The following DEAF1 variants were observed in gnomAD, a reference collection of about 807,000 sequenced individuals.
DEAF1 encodes deformed epidermal autoregulatory factor 1 homolog.
DEAF1 carries 53 observed loss-of-function variants against 58.9 expected under a neutral mutation model. The ratio of observed to expected loss-of-function variants is 0.90; its 90% CI spans 0.72 to 1.13. The LOEUF (loss-of-function observed/expected upper bound fraction) is 1.13. Ranked by LOEUF, DEAF1 falls within the 50% of genes most tolerant of loss-of-function variation. The pLI, the probability that DEAF1 is intolerant of heterozygous loss-of-function variation, is 0.00. For synonymous variants in DEAF1, 385 were observed against 340.4 expected (o/e 1.13, Z -1.44); for missense variants, 685 against 791.4 (o/e 0.87, Z 1.61).
At chr11:665,983 ACT>A (rs1859506333) in intron 10 of DEAF1, 1 of 150,564 alleles carries the variant, frequency 6.6e-6, no homozygotes, top group South Asian at 2.1e-4. Context: ...TGTGGGGAAG[ACT>A]CAGCAGAAAT....
At chr11:680,819 G>C in intron 7 of DEAF1, 144 bp downstream of exon 7, 2 of 1,236,538 alleles carry the variant, frequency 1.6e-6, no homozygotes, top group South Asian at 2.5e-5. Flanking sequence ...GCACTGCAAA[G>C]GAGTGTGATG....
chr11:650,362 A>G (rs916928235), intron 11 of DEAF1, among the ~76,000 whole-genome samples: 11 of 125,930 alleles, frequency 8.7e-5, no homozygotes, highest in Non-Finnish European at 1.6e-4. Context: ...GGACAGAGTG[A>G]CAGTCCGTCT....
intron 1 of DEAF1, chr11:704,391 AGCACCCAGTT>A: frequency 8.5e-7 from 1 of 1,181,862 alleles, no homozygotes; most frequent in Non-Finnish European, 1.1e-6. Flanking sequence ...AAGCGGTGGG[AGCACCCAGTT>A]GTCCTGGGCC....
chr11:700,931 T>C (rs1455074386), intron 1 of DEAF1: 3 of 588,530 alleles, frequency 5.1e-6, no homozygotes, highest in East Asian at 5.7e-5. Context: ...GGAGAGACTC[T>C]GTGTTTGGAA....
rs1417226023 is a variant in DEAF1, at chr11:681,033, CA to C, written c.926del (p.Leu309ArgfsTer6). 6.2e-7 allele frequency: 1 copy of C among 1,614,086 alleles called. No individual in the cohort carries two copies. The highest frequency in any genetic ancestry group is 8.5e-7 in the Non-Finnish European group (1 of 1,180,010). The stretch of plus-strand genomic sequence containing the variant: ...AGTCCTTCTTCACGGGAGTTGTGGG[CA>C]GTTCATTCTCCTTCTTGCGCCTTTT... ...PYKRRKKENELPTTPVKKDSP... is the reference protein window; with the variant it reads ...PYKRRKKENEXPTTPVKKDSP... On this transcript the variant is annotated frameshift_variant, in exon 7 of 12. Transcript: ENST00000382409. LOFTEE classifies it high-confidence loss of function.
Position 674,597 on chromosome 11 carries a change from C to T in DEAF1, c.1442G>A (p.Ser481Asn), listed in dbSNP as rs1859972475. 1 of 1,614,154 alleles carries T rather than the reference C, an allele frequency of 6.2e-7. No homozygotes were observed. The highest frequency in any genetic ancestry group is 8.5e-7 in the Non-Finnish European group (1 of 1,180,040). Reference sequence around the variant, plus strand: ...GTTTGTGGCAGCTTCTCGGTAGGTGCTGGCATGCTTGGCTTGCTCAAACAG... The same window carrying T: ...GTTTGTGGCAGCTTCTCGGTAGGTGTTGGCATGCTTGGCTTGCTCAAACAG... ...KTLFEQAKHASTYREAATNQA... is the reference protein window; with the variant it reads ...KTLFEQAKHANTYREAATNQA... The change falls in exon 10 of 12, where the codon AGC (serine) becomes AAC (asparagine). Residue 481 changes from serine (S) to asparagine (N), a missense_variant. Ser to Asn is a conservative substitution (Grantham distance 46). This residue lies in a region of DEAF1 where 343 missense variants were observed against 379.8 expected (regional missense o/e 0.90). Transcript: ENST00000382409.
intron 11 of DEAF1, among the ~76,000 whole-genome samples, chr11:649,031 A>T (rs972601811): frequency 1.3e-5 from 2 of 152,196 alleles, no homozygotes; most frequent in African/African-American, 4.8e-5. Flanking sequence ...TGGGAGGGTT[A>T]CTTGAGCCCA....
At chr11:698,111 A>T (rs1371207115), upstream of DEAF1, 1 of 152,266 alleles carries the variant, frequency 6.6e-6, no homozygotes, top group African/African-American at 2.4e-5. Flanking sequence ...CTAGATGTGT[A>T]TTGAGGTATC....
In DEAF1 at chr11:694,947, C is replaced by T. The variant is rs1001719666; in HGVS notation, c.101G>A (p.Gly34Glu). The change falls in exon 1 of 12, where the codon GGA (glycine) becomes GAA (glutamate). Residue 34 changes from glycine to glutamate, a missense_variant. Physicochemically the swap from Gly to Glu is moderately conservative, Grantham distance 98 (BLOSUM62 -2). Coordinates refer to ENST00000382409, the MANE Select transcript of DEAF1 (RefSeq NM_021008.4). ...CAGCACCGGCTCCTCCGCCTCGCCT[C>T]CTGCCGCGGCCGCGGCCGCCGCCGC... Reference protein sequence around the residue: ...AVAAAAAAAAGGEAEEPVLSR... With the variant: ...AVAAAAAAAAEGEAEEPVLSR... The T allele has an allele frequency of 6.2e-6, 8 of 1,281,434 alleles. No homozygotes were observed. The African/African-American group carries it at 9.4e-5, about 15-fold the overall frequency. 79.4% of individuals were successfully genotyped at this position (1,281,434 alleles called of 1,614,324 possible). A position where few individuals can be genotyped will look rare whatever the true frequency, so the allele number is the denominator to read the frequency against.
chr11:694,902 T>C lies in DEAF1; in HGVS notation c.146A>G (p.Glu49Gly). 6.8e-7 allele frequency: 1 copy of C among 1,476,164 alleles called. No individual in the cohort carries two copies. The highest frequency in any genetic ancestry group is 9.0e-7 in the Non-Finnish European group (1 of 1,115,628). The allele number at this position is 1,476,164 out of a possible 1,614,324, so 91.4% of individuals were successfully genotyped here. The change falls in exon 1 of 12, where the codon GAG becomes GGG. Residue 49 changes from glutamate (E) to glycine (G), a missense_variant. This residue lies in a region of DEAF1 where 210 missense variants were observed against 177.3 expected (regional missense o/e 1.18). Coordinates refer to ENST00000382409, the MANE Select transcript of DEAF1 (RefSeq NM_021008.4). ...EPVLSRDEDSEEDADSEAERE... is the reference protein window; with the variant it reads ...EPVLSRDEDSGEDADSEAERE... Reference sequence around the variant, plus strand: ...CTCCGCCTCCGAGTCTGCGTCCTCCTCCGAGTCCTCGTCCCTGCTCAGCAC... The same window carrying C: ...CTCCGCCTCCGAGTCTGCGTCCTCCCCCGAGTCCTCGTCCCTGCTCAGCAC...
intron 10 of DEAF1, among the ~76,000 whole-genome samples, chr11:658,978 GCCAA>G (rs1859193477): frequency 6.6e-6 from 1 of 152,202 alleles, no homozygotes; most frequent in Non-Finnish European, 1.5e-5. Context: ...TTCAGAAACA[GCCAA>G]CCAAGAGTAA....
At chr11:687,492 T>TGTTGTC (rs1193431821) in intron 4 of DEAF1, among the ~76,000 whole-genome samples, 1 of 152,254 alleles carries the variant, frequency 6.6e-6, no homozygotes, top group Non-Finnish European at 1.5e-5. Context: ...CTTGTTTTTT[T>TGTTGTC]GTTGTCGTTG....
At chr11:657,891 G>A (rs1185977918) in intron 10 of DEAF1, among the ~76,000 whole-genome samples, 1 of 152,158 alleles carries the variant, frequency 6.6e-6, no homozygotes, top group Non-Finnish European at 1.5e-5. Context: ...TGCACGGGAG[G>A]CTGTCTCCCA....
At chr11:699,927 G>T, upstream of DEAF1, 1 of 554,482 alleles carries the variant, frequency 1.8e-6, no homozygotes. Context: ...TGGCATGGAG[G>T]GGGGTCCCAC....
chr11:654,150 C>G, intron 10 of DEAF1, 99 bp from the exon 11 acceptor site: 2 of 839,394 alleles, frequency 2.4e-6, no homozygotes, highest in Non-Finnish European at 3.9e-6. Context: ...CCCCAAGTTC[C>G]CCCCATTGGA....
At chr11:671,212 G>A (rs999422961) in intron 10 of DEAF1, among the ~76,000 whole-genome samples, 3 of 151,310 alleles carry the variant, frequency 2.0e-5, no homozygotes, top group African/African-American at 7.3e-5. Context: ...ACAGGCGTGA[G>A]CCACCGCGCC....
chr11:679,095 G>A (rs1370483816), intron 8 of DEAF1, among the ~76,000 whole-genome samples: 3 of 152,102 alleles, frequency 2.0e-5, no homozygotes, highest in Non-Finnish European at 2.9e-5. Flanking sequence ...GGCGCATCAC[G>A]AGGTCAGGAG....
chr11:661,810 G>C (rs1184851575), intron 10 of DEAF1, among the ~76,000 whole-genome samples: 1 of 152,200 alleles, frequency 6.6e-6, no homozygotes, highest in Non-Finnish European at 1.5e-5. Context: ...CATGAGCAAG[G>C]CTTCCTCATT....
intron 8 of DEAF1, 21 bp downstream of exon 8, chr11:679,667 G>A: frequency 6.2e-7 from 1 of 1,609,576 alleles, no homozygotes; most frequent in South Asian, 1.1e-5. Context: ...GACGCGTCAG[G>A]CAGGCACTGG....
Sources: gnomAD v4.1 joint callset for allele counts (sites outside exome capture counted in the v4.1 genomes callset) on GRCh38, gnomAD v4.1.1 for gene constraint, gnomAD v4.1.1 regional missense constraint, MANE v1.5 for transcripts, NCBI Gene and HGNC (gene_info 2026-07-23, HGNC 2026-07-21) for gene names.